The following CDK13 variants were observed in gnomAD, a reference collection of about 807,000 sequenced individuals.
CDK13 encodes cyclin dependent kinase 13, also known as cyclin-dependent kinase 13.
CDK13 carries 40 observed loss-of-function variants against 137.6 expected under a neutral mutation model. That is an observed-to-expected ratio of 0.29 (90% confidence interval 0.23 to 0.38). The LOEUF is 0.38. Among genes scored for constraint, CDK13 ranks in the 10% least tolerant of loss-of-function variants. The pLI, the probability that CDK13 is intolerant of heterozygous loss-of-function variation, is 1.00. For synonymous variants in CDK13, 869 were observed against 760.1 expected (o/e 1.14, Z -2.36); for missense variants, 1,704 against 1,951.8 (o/e 0.87, Z 2.39).
chr7:39,975,133 G>A (rs17537760), intron 1 of CDK13, among the ~76,000 whole-genome samples: 4,664 of 152,160 alleles, frequency 0.031, 231 homozygotes, highest in African/African-American at 0.11. Context: ...AAAATTCTGG[G>A]TTGGGCATGG....
chr7:40,096,196 C>T lies in CDK13; in HGVS notation c.*1216C>T, dbSNP rs868304325. On this transcript the variant is annotated 3_prime_UTR_variant, in exon 14 of 14. Transcript: ENST00000181839. ...CTTTTAAGAAAGTCAATTCTATTCACTTGTTAACTAGAAACATTGCTTAGA... is the reference window on the plus strand; with the variant it reads ...CTTTTAAGAAAGTCAATTCTATTCATTTGTTAACTAGAAACATTGCTTAGA... The T allele has an allele frequency of 1.2e-4, 18 of 151,934 alleles. No individual in the cohort carries two copies. The highest frequency in any genetic ancestry group is 4.1e-4 in the African/African-American group (17 of 41,422). The allele number at this position is 151,934 out of a possible 1,614,324, so 9.4% of individuals were successfully genotyped here. A position where few individuals can be genotyped will look rare whatever the true frequency, so the allele number is the denominator to read the frequency against.
rs1239648193 is a variant in CDK13 at position 39,950,742 on chromosome 7, C to T, written c.101C>T (p.Pro34Leu). 2.0e-6 allele frequency: 3 copies of T among 1,473,132 alleles called. No homozygotes were observed. The highest frequency in any genetic ancestry group is 3.0e-5 in the East Asian group (1 of 33,824). 91.3% of individuals were successfully genotyped at this position (1,473,132 alleles called of 1,614,324 possible). A position where few individuals can be genotyped will look rare whatever the true frequency, so the allele number is the denominator to read the frequency against. ...ERRKRRRFLS[P>L]QQPPLLLPLL... Reference sequence around the variant, plus strand: ...CGCAAGCGGAGGCGATTCCTGTCCCCTCAGCAGCCGCCGCTGCTGTTGCCG... The same window carrying T: ...CGCAAGCGGAGGCGATTCCTGTCCCTTCAGCAGCCGCCGCTGCTGTTGCCG... Residue 34 changes from proline to leucine, a missense_variant, in exon 1 of 14, where the codon CCT (proline) becomes CTT (leucine). Around this residue, in one of 5 missense-constraint regions of CDK13, gnomAD observed 1,051 missense variants for 931.0 expected, o/e 1.13. Transcript: ENST00000181839.
intron 5 of CDK13, among the ~76,000 whole-genome samples, chr7:40,037,322 T>C (rs1008891105): frequency 1.3e-5 from 2 of 152,266 alleles, no homozygotes; most frequent in Middle Eastern, 3.4e-3. Flanking sequence ...GGGTTGTCGT[T>C]AGAAGGCTTG....
intron 5 of CDK13, among the ~76,000 whole-genome samples, chr7:40,035,980 T>TA (rs1169252082): frequency 2.6e-5 from 4 of 151,952 alleles, no homozygotes; most frequent in Non-Finnish European, 5.9e-5. Flanking sequence ...CTGGGTGATA[T>TA]AGTAAGACCT....
chr7:39,981,932 C>T lies in CDK13; in HGVS notation c.1212-5667C>T, dbSNP rs570219031. Reference sequence around the variant, plus strand: ...TCAGCCTCCCAAATAGCTGGGACCACAGGCGCCCGCCACTACGCCCGGCTA... The same window carrying T: ...TCAGCCTCCCAAATAGCTGGGACCATAGGCGCCCGCCACTACGCCCGGCTA... On this transcript the variant is annotated intron_variant, in intron 1 of 13. Transcript: ENST00000181839. Among the ~76,000 whole-genome samples, 5 of 149,772 alleles carry T rather than the reference C, an allele frequency of 3.3e-5. No individual in the cohort carries two copies. The East Asian group carries it at 7.8e-4, about 24-fold the overall frequency.
At chr7:40,016,357 A>AC (rs1197908549) in intron 5 of CDK13, among the ~76,000 whole-genome samples, 1 of 152,146 alleles carries the variant, frequency 6.6e-6, no homozygotes, top group East Asian at 1.9e-4. Flanking sequence ...TGTGAGACCT[A>AC]AGTGAGACAA....
chr7:40,020,365 G>A (rs939913534), intron 5 of CDK13, among the ~76,000 whole-genome samples: 36 of 152,100 alleles, frequency 2.4e-4, no homozygotes, highest in African/African-American at 8.0e-4. Context: ...GCTGCACCCG[G>A]CCCAAATTGT....
chr7:40,064,952 G>T, intron 9 of CDK13, among the ~76,000 whole-genome samples: 1 of 124,602 alleles, frequency 8.0e-6, no homozygotes, highest in African/African-American at 3.1e-5. Context: ...CCACCATGCT[G>T]GGTGATTTTT....
At chr7:40,022,871 T>C (rs1785157476) in intron 5 of CDK13, among the ~76,000 whole-genome samples, 1 of 151,756 alleles carries the variant, frequency 6.6e-6, no homozygotes, top group Non-Finnish European at 1.5e-5. Context: ...TTTTTTTTTT[T>C]TGCAGTTAGG....
intron 9 of CDK13, chr7:40,072,769 G>C (rs1367682719): frequency 1.3e-5 from 2 of 152,130 alleles, no homozygotes; most frequent in African/African-American, 4.8e-5. Flanking sequence ...GCATTACATT[G>C]AAATAATAGT....
chr7:39,973,639 T>A (rs1784047707), intron 1 of CDK13, among the ~76,000 whole-genome samples: 1 of 152,208 alleles, frequency 6.6e-6, no homozygotes, highest in South Asian at 2.1e-4. Flanking sequence ...ATTGCTTGTG[T>A]TTTTTGGTCT....
At chr7:40,060,735 G>A (rs1786123372) in intron 7 of CDK13, 1 of 152,176 alleles carries the variant, frequency 6.6e-6, no homozygotes, top group African/African-American at 2.4e-5. Flanking sequence ...AGGAAGTATA[G>A]CACTTGAATG....
chr7:40,086,669 G>A (rs760057494), intron 11 of CDK13, among the ~76,000 whole-genome samples: 4 of 152,028 alleles, frequency 2.6e-5, no homozygotes, highest in Non-Finnish European at 5.9e-5. Context: ...ATGATGAGCC[G>A]CTCTATGCCA....
chr7:40,098,611 G>C lies in CDK13; in HGVS notation c.*3631G>C, dbSNP rs892076079. 6.6e-6 allele frequency: 1 copy of C among 150,434 alleles called. No homozygotes were observed. The highest frequency in any genetic ancestry group is 2.1e-4 in the South Asian group (1 of 4,766). The allele number at this position is 150,434 out of a possible 1,614,324, so 9.3% of individuals were successfully genotyped here. A position where few individuals can be genotyped will look rare whatever the true frequency, so the allele number is the denominator to read the frequency against. On this transcript the variant is annotated 3_prime_UTR_variant, in exon 14 of 14. Transcript: ENST00000181839. ...CCCAGTAACCTAAAATTATCCAGTC[G>C]GTCTTCTTACTTTACAACTAAGAAA...
At chr7:40,038,229 T>C (rs1785528376) in intron 5 of CDK13, among the ~76,000 whole-genome samples, 3 of 152,200 alleles carry the variant, frequency 2.0e-5, no homozygotes, top group African/African-American at 4.8e-5. Flanking sequence ...AGCAATGTTG[T>C]AAGTGCTCTG....
At position 40,001,288 on chromosome 7, in the gene CDK13, C is replaced by T. The variant is rs1344891178; in HGVS notation, c.2183-573C>T. 4.0e-5 allele frequency among the ~76,000 whole-genome samples: 6 copies of T among 149,566 alleles called. 1 individual carries two copies. In the South Asian group the frequency reaches 8.4e-4, roughly 21 times the overall value. ...TGGAGTGCAGAGTGCAGTGGCGTGT[C>T]GTGATCTTGGCTCACTGCAACCTCC... On this transcript the variant is annotated intron_variant, in intron 4 of 13. Coordinates refer to ENST00000181839, the MANE Select transcript of CDK13 (RefSeq NM_003718.5).
chr7:39,993,140 T>A (rs926952865), intron 2 of CDK13, among the ~76,000 whole-genome samples: 10 of 152,248 alleles, frequency 6.6e-5, no homozygotes, highest in Non-Finnish European at 1.0e-4. Flanking sequence ...ATTCAGTTAC[T>A]GTAGTAGGGA....
At chr7:40,042,181 G>C (rs1439534958) in intron 5 of CDK13, among the ~76,000 whole-genome samples, 1 of 151,934 alleles carries the variant, frequency 6.6e-6, no homozygotes, top group East Asian at 1.9e-4. Context: ...TCGGGTTCAA[G>C]TGATTCTCCT....
At chr7:39,965,133 A>G (rs1361433968) in intron 1 of CDK13, among the ~76,000 whole-genome samples, 7 of 152,162 alleles carry the variant, frequency 4.6e-5, no homozygotes, top group Non-Finnish European at 1.0e-4. Context: ...GTAGATGTCT[A>G]TTAGGTTAGC....
Sources: allele counts gnomAD v4.1 joint callset (sites outside exome capture counted in the v4.1 genomes callset), GRCh38; gene constraint gnomAD v4.1.1; regional missense constraint gnomAD v4.1.1; transcripts MANE v1.5; gene names NCBI Gene and HGNC (gene_info 2026-07-23, HGNC 2026-07-21).